The following FAM81A variants were observed in gnomAD, a reference collection of about 807,000 sequenced individuals.
FAM81A encodes protein FAM81A.
In FAM81A, 19 loss-of-function variants were observed where a neutral mutation model predicts 46.7. That is an observed-to-expected ratio of 0.41 (90% CI 0.28 to 0.60). FAM81A has a LOEUF of 0.60. FAM81A is among the 20% of genes least tolerant of loss of function. The pLI is 0.34. For missense variants in FAM81A, 377 were observed against 453.5 expected (o/e 0.83, Z 1.53); for synonymous variants, 183 against 152.9 (o/e 1.20, Z -1.45).
At chr15:59,475,895 G>T (rs2141693915) in intron 3 of FAM81A, among the ~76,000 whole-genome samples, 1 of 152,290 alleles carries the variant, frequency 6.6e-6, no homozygotes. Context: ...TCATTAAAAT[G>T]AAATCATGAT....
At chr15:59,467,652 A>G (rs1188808674) in intron 3 of FAM81A, among the ~76,000 whole-genome samples, 1 of 152,214 alleles carries the variant, frequency 6.6e-6, no homozygotes, top group Non-Finnish European at 1.5e-5. Context: ...TGTCATCTGC[A>G]AACAGGGACA....
chr15:59,412,382 T>C (rs571605359), intron 2 of FAM81A, among the ~76,000 whole-genome samples: 2 of 152,310 alleles, frequency 1.3e-5, no homozygotes, highest in African/African-American at 4.8e-5. Flanking sequence ...AGAATTTATG[T>C]TGCTACCCCG....
At chr15:59,514,463 T>G in intron 7 of FAM81A, 39 bp downstream of exon 7, 1 of 1,603,800 alleles carries the variant, frequency 6.2e-7, no homozygotes, top group Non-Finnish European at 8.5e-7. Flanking sequence ...GTAAAGTTAT[T>G]CAGTGGGGGC....
In FAM81A at chr15:59,498,253, T is replaced by G. The variant is rs561045007; in HGVS notation, c.413+5864T>G. Reference sequence around the variant, plus strand: ...TTTTGGAGTTTTAAAAGTATAAATTTCACACTTCTTTAAATTTATTCCTAA... The same window carrying G: ...TTTTGGAGTTTTAAAAGTATAAATTGCACACTTCTTTAAATTTATTCCTAA... On this transcript the variant is annotated intron_variant, in intron 4 of 8. Transcript: ENST00000288228. 7.5e-4 allele frequency among the ~76,000 whole-genome samples: 114 copies of G among 152,362 alleles called. 1 individual carries two copies. The highest frequency in any genetic ancestry group is 2.7e-3 in the African/African-American group (111 of 41,600).
intron 4 of FAM81A, among the ~76,000 whole-genome samples, chr15:59,499,750 C>T (rs2082071583): frequency 6.6e-6 from 1 of 151,920 alleles, no homozygotes; most frequent in African/African-American, 2.4e-5. Flanking sequence ...CTTGTGGTCT[C>T]AATTATTTCT....
At chr15:59,435,935 G>C (rs1446576647), upstream of FAM81A, among the ~76,000 whole-genome samples, 1 of 151,994 alleles carries the variant, frequency 6.6e-6, no homozygotes, top group African/African-American at 2.4e-5. Context: ...AACTAGTGTA[G>C]GCTTAATCAT....
chr15:59,471,730 A>G (rs1426902203), intron 3 of FAM81A, among the ~76,000 whole-genome samples: 2 of 151,028 alleles, frequency 1.3e-5, no homozygotes, highest in Non-Finnish European at 2.9e-5. Flanking sequence ...GAGCCACTGT[A>G]CCTGGTCTCC....
At chr15:59,506,621 T>A (rs1233892666) in intron 4 of FAM81A, among the ~76,000 whole-genome samples, 1 of 152,218 alleles carries the variant, frequency 6.6e-6, no homozygotes, top group Non-Finnish European at 1.5e-5. Flanking sequence ...GTGACTCTCC[T>A]ATTAGGACTC....
At chr15:59,444,907 T>C (rs1307387777) in intron 1 of FAM81A, among the ~76,000 whole-genome samples, 1 of 152,238 alleles carries the variant, frequency 6.6e-6, no homozygotes, top group Non-Finnish European at 1.5e-5. Context: ...TCAGTGGTTC[T>C]TGTTATTTTA....
At chr15:59,459,496 T>A (rs2081524274) in intron 2 of FAM81A, among the ~76,000 whole-genome samples, 1 of 152,164 alleles carries the variant, frequency 6.6e-6, no homozygotes, top group Admixed American at 6.6e-5. Flanking sequence ...TCTAAATCCC[T>A]GACACTCCCT....
intron 1 of FAM81A, among the ~76,000 whole-genome samples, chr15:59,456,332 G>T (rs189872225): frequency 6.6e-6 from 1 of 152,168 alleles, no homozygotes; most frequent in Non-Finnish European, 1.5e-5. Flanking sequence ...TTGTGGTAGG[G>T]AGTGGCCAAA....
intron 4 of FAM81A, among the ~76,000 whole-genome samples, chr15:59,498,391 T>G (rs2082056312): frequency 6.6e-6 from 1 of 152,218 alleles, no homozygotes; most frequent in Non-Finnish European, 1.5e-5. Flanking sequence ...GCAACCCTGC[T>G]GAACTCATTA....
intron 1 of FAM81A, chr15:59,440,060 C>G (rs932144635): frequency 6.6e-6 from 1 of 152,220 alleles, no homozygotes; most frequent in African/African-American, 2.4e-5. Context: ...GGATGCTCTT[C>G]CGCTTCTCCT....
chr15:59,506,757 T>C (rs1297330232), intron 4 of FAM81A, among the ~76,000 whole-genome samples: 1 of 152,220 alleles, frequency 6.6e-6, no homozygotes, highest in Non-Finnish European at 1.5e-5. Context: ...CTTCCCCTGC[T>C]CTACACCCTA....
intron 2 of FAM81A, among the ~76,000 whole-genome samples, chr15:59,429,198 A>G (rs533066364): frequency 1.3e-4 from 20 of 152,258 alleles, no homozygotes; most frequent in Middle Eastern, 6.8e-3. Flanking sequence ...TTTGTATGTG[A>G]TATTTAGTGC....
chr15:59,454,535 A>G (rs1198856891), intron 1 of FAM81A, among the ~76,000 whole-genome samples: 4 of 152,078 alleles, frequency 2.6e-5, no homozygotes, highest in Admixed American at 6.6e-5. Flanking sequence ...ACAAATAATC[A>G]TTTTGATTTA....
chr15:59,509,379 T>C (rs2082181382), intron 6 of FAM81A, among the ~76,000 whole-genome samples: 1 of 152,200 alleles, frequency 6.6e-6, no homozygotes, highest in Non-Finnish European at 1.5e-5. Flanking sequence ...GTAGGCTGAA[T>C]AATGGTCCTC....
At chr15:59,455,271 C>A (rs1361182764) in intron 1 of FAM81A, among the ~76,000 whole-genome samples, 1 of 151,930 alleles carries the variant, frequency 6.6e-6, no homozygotes, top group Non-Finnish European at 1.5e-5. Context: ...CCAACTTCCC[C>A]CAATTTTAAA....
intron 2 of FAM81A, among the ~76,000 whole-genome samples, chr15:59,426,648 T>G (rs1276265941): frequency 4.6e-5 from 7 of 152,192 alleles, no homozygotes; most frequent in Non-Finnish European, 1.0e-4. Context: ...GAAATACATG[T>G]ACTCAGTTTA....
Sources: gnomAD v4.1 joint callset for allele counts (sites outside exome capture counted in the v4.1 genomes callset) on GRCh38, gnomAD v4.1.1 for gene constraint, MANE v1.5 for transcripts, NCBI Gene and HGNC (gene_info 2026-07-23, HGNC 2026-07-21) for gene names.